PRKN: variants seen among roughly 807,000 people sequenced by gnomAD.
The protein encoded by PRKN is parkin RBR E3 ubiquitin protein ligase.
A neutral mutation model predicts 59.5 loss-of-function variants in PRKN; 56 were observed. That is an observed-to-expected ratio of 0.94 (90% CI 0.76 to 1.18). The LOEUF (loss-of-function observed/expected upper bound fraction) is 1.18, where lower values mean the gene tolerates loss of function less well. Among genes scored for constraint, PRKN ranks in the 50% most tolerant of loss-of-function variants. The pLI is 0.00. For synonymous variants in PRKN, 250 were observed against 222.1 expected, an observed-to-expected ratio of 1.13 and a Z score of -1.12; for missense variants, 657 against 596.4, an observed-to-expected ratio of 1.10 and a Z score of -1.06.
chr6:162,350,294 AT>A (rs1175487664), intron 2 of PRKN, among the ~76,000 whole-genome samples: 1 of 152,180 alleles, frequency 6.6e-6, no homozygotes, highest in African/African-American at 2.4e-5. Context: ...CTATAGATTC[AT>A]TGCAATCCTA....
At chr6:161,925,760 G>A (rs956161787) in intron 6 of PRKN, among the ~76,000 whole-genome samples, 2 of 152,072 alleles carry the variant, frequency 1.3e-5, no homozygotes, top group African/African-American at 4.8e-5. Context: ...ATCACAATAT[G>A]AATGATGTTT....
At chr6:162,196,107 C>G (rs1784484644) in intron 4 of PRKN, among the ~76,000 whole-genome samples, 2 of 152,050 alleles carry the variant, frequency 1.3e-5, no homozygotes, top group Non-Finnish European at 2.9e-5. Flanking sequence ...GGGCTATGGC[C>G]AAGACAATGA....
chr6:162,532,641 G>A (rs750235838), intron 1 of PRKN, among the ~76,000 whole-genome samples: 6 of 152,160 alleles, frequency 3.9e-5, no homozygotes, highest in Admixed American at 1.3e-4. Context: ...GAATTAATAA[G>A]AAATGTAAAC....
At chr6:162,453,292 T>G (rs974694017) in intron 1 of PRKN, among the ~76,000 whole-genome samples, 2 of 152,204 alleles carry the variant, frequency 1.3e-5, no homozygotes, top group African/African-American at 4.8e-5. Flanking sequence ...TTGACGAGGG[T>G]GTATCTCCAG....
chr6:162,183,740 T>C (rs1319511980), intron 4 of PRKN, among the ~76,000 whole-genome samples: 3 of 152,178 alleles, frequency 2.0e-5, no homozygotes, highest in Non-Finnish European at 4.4e-5. Flanking sequence ...TTGGGCTCAA[T>C]AGCCATAAAA....
At chr6:162,333,175 T>C (rs1301976110) in intron 2 of PRKN, among the ~76,000 whole-genome samples, 4 of 152,074 alleles carry the variant, frequency 2.6e-5, no homozygotes, top group Admixed American at 6.6e-5. Flanking sequence ...TTACTCTTTC[T>C]CTGCTACTCT....
intron 3 of PRKN, among the ~76,000 whole-genome samples, chr6:162,239,318 T>C (rs551409222): frequency 6.6e-6 from 1 of 152,190 alleles, no homozygotes; most frequent in Non-Finnish European, 1.5e-5. Flanking sequence ...TGGCTCTAAT[T>C]TGTTTCTGTT....
chr6:161,407,595 T>C lies in PRKN; in HGVS notation c.1084-20718A>G, dbSNP rs201923394. ...GGTACTTCTTAGAGTTGAGGATAAGTGTTGGATGCAAAGCTGTCAGGCCTC... is the reference window on the plus strand; with the variant it reads ...GGTACTTCTTAGAGTTGAGGATAAGCGTTGGATGCAAAGCTGTCAGGCCTC... On this transcript the variant is annotated intron_variant, in intron 9 of 11. Transcript: ENST00000366898. The surrounding 1 kb of genome is among the most constrained non-coding windows in gnomAD (Gnocchi z 4.9). Among the ~76,000 whole-genome samples the C allele has an allele frequency of 9.2e-5, 14 of 152,286 alleles. No individual in the cohort carries two copies. The East Asian group carries it at 2.5e-3, about 27-fold the overall frequency.
intron 4 of PRKN, among the ~76,000 whole-genome samples, chr6:162,104,577 G>C (rs1454103832): frequency 6.6e-6 from 1 of 151,946 alleles, no homozygotes. Flanking sequence ...TGACGTGCAA[G>C]TGGATTACCA....
At chr6:161,572,964 C>T (rs967698000) in intron 7 of PRKN, among the ~76,000 whole-genome samples, 3 of 152,188 alleles carry the variant, frequency 2.0e-5, no homozygotes, top group Non-Finnish European at 4.4e-5. Context: ...CTGTGAAATT[C>T]AGCCTCAAGT....
chr6:162,263,423 C>T (rs182127710), intron 2 of PRKN, among the ~76,000 whole-genome samples: 5 of 152,152 alleles, frequency 3.3e-5, no homozygotes, highest in African/African-American at 2.4e-5. Context: ...CACCAACACA[C>T]ACATCATTAC....
intron 1 of PRKN, among the ~76,000 whole-genome samples, chr6:162,523,170 T>C (rs574903451): frequency 2.8e-4 from 43 of 152,290 alleles, no homozygotes; most frequent in African/African-American, 1.0e-3. Flanking sequence ...AAATTAGGAA[T>C]GACTCTTGAT....
intron 2 of PRKN, among the ~76,000 whole-genome samples, chr6:162,393,152 A>ATTTTTTTTTTTTTTTTTTTTTTTT (rs1369959830): frequency 1.3e-5 from 1 of 78,102 alleles, no homozygotes; most frequent in East Asian, 7.8e-4. Context: ...AGGATAGGAG[A>ATTTTTTTTTTTTTTTTTTTTTTTT]TTCTTTTTTT....
intron 4 of PRKN, among the ~76,000 whole-genome samples, chr6:162,154,053 T>C (rs1366596434): frequency 3.3e-5 from 5 of 152,170 alleles, no homozygotes; most frequent in Non-Finnish European, 7.4e-5. Flanking sequence ...ACCTGCCTTG[T>C]CTGCCAAGAG....
rs749892002 is a variant in PRKN, at chr6:162,479,757, G to GTTTTTT, written c.8-36290_8-36285dup. Among the ~76,000 whole-genome samples, 1,078 of 148,502 alleles carry GTTTTTT rather than the reference G, an allele frequency of 7.3e-3. 13 individuals are homozygous for GTTTTTT. The highest frequency in any genetic ancestry group is 0.019 in the African/African-American group (761 of 40,528). ...GCCTGAGGCTGTTTTACAGTTATCTGTTTTTTTTTCTCAAAAATAATTAGT... is the reference window on the plus strand; with the variant it reads ...GCCTGAGGCTGTTTTACAGTTATCTGTTTTTTTTTTTTTTTCTCAAAAATAATTAGT... On this transcript the variant is annotated intron_variant, in intron 1 of 11. Coordinates refer to ENST00000366898, the MANE Select transcript of PRKN (RefSeq NM_004562.3).
intron 5 of PRKN, among the ~76,000 whole-genome samples, chr6:162,040,842 T>C (rs541188533): frequency 1.3e-5 from 2 of 151,448 alleles, no homozygotes; most frequent in East Asian, 3.9e-4. Context: ...AGGAGAACAG[T>C]AGTGAGGAAG....
chr6:162,287,419 T>C (rs951023650), intron 2 of PRKN, among the ~76,000 whole-genome samples: 4 of 151,872 alleles, frequency 2.6e-5, no homozygotes, highest in South Asian at 4.2e-4. Flanking sequence ...AATATAAAAA[T>C]CAGCTGGGCA....
chr6:162,336,680 C>T (rs778207529), intron 2 of PRKN, among the ~76,000 whole-genome samples: 1 of 152,184 alleles, frequency 6.6e-6, no homozygotes, highest in Non-Finnish European at 1.5e-5. Context: ...CTCAACAACA[C>T]AAAGACAAAT....
chr6:161,691,360 C>T (rs1241952062), intron 7 of PRKN, among the ~76,000 whole-genome samples: 2 of 152,226 alleles, frequency 1.3e-5, no homozygotes, highest in African/African-American at 4.8e-5. Context: ...GGCTTCATGG[C>T]AGGTTCAGTT....
Sources: allele counts gnomAD v4.1 joint callset (sites outside exome capture counted in the v4.1 genomes callset), GRCh38; gene constraint gnomAD v4.1.1; non-coding constraint Gnocchi (gnomAD v3.1); transcripts MANE v1.5; gene names NCBI Gene and HGNC (gene_info 2026-07-23, HGNC 2026-07-21).